ZNF561: variants seen among roughly 807,000 people sequenced by gnomAD.
The protein encoded by ZNF561 is zinc finger protein 561.
ZNF561 carries 16 observed loss-of-function variants against 16.7 expected under a neutral mutation model. The ratio of observed to expected loss-of-function variants is 0.96; its 90% CI spans 0.65 to 1.45. The LOEUF (loss-of-function observed/expected upper bound fraction) is 1.45, where lower values mean the gene tolerates loss of function less well. Ranked by LOEUF, ZNF561 falls within the 40% of genes most tolerant of loss-of-function variation. ZNF561 has a pLI of 0.00. For missense variants in ZNF561, 580 were observed against 578.0 expected, an observed-to-expected ratio of 1.00 and a Z score of -0.04; for synonymous variants, 190 against 192.1, an observed-to-expected ratio of 0.99 and a Z score of 0.09.
At position 9,607,962 on chromosome 19, in the gene ZNF561, C is replaced by T. The variant is rs2074379498; in HGVS notation, c.*2238G>A. ...TCTCGGCTCACTGCAACCTGTGCCTCCCAGGTTCATGCCATTCTCCTGCCT... is the reference window on the plus strand; with the variant it reads ...TCTCGGCTCACTGCAACCTGTGCCTTCCAGGTTCATGCCATTCTCCTGCCT... On this transcript the variant is annotated 3_prime_UTR_variant, in exon 6 of 6. Transcript: ENST00000302851. 6.6e-6 allele frequency: 1 copy of T among 152,216 alleles called. No homozygotes were observed. Among genetic ancestry groups the T allele is most frequent in the African/African-American group, 2.4e-5 (1 of 41,436 alleles). 9.4% of individuals were successfully genotyped at this position (152,216 alleles called of 1,614,324 possible).
At chr19:9,619,261 A>T (rs959284760) in intron 2 of ZNF561, 171 bp downstream of exon 2, 2 of 344,684 alleles carry the variant, frequency 5.8e-6, no homozygotes, top group East Asian at 5.3e-5. Context: ...TGTCTCAAAA[A>T]TAAATAAATA....
intron 3 of ZNF561, chr19:9,617,834 C>T: frequency 7.5e-6 from 4 of 536,134 alleles, no homozygotes; most frequent in Non-Finnish European, 1.4e-5. Context: ...CCGCACCCAG[C>T]AATGTAAGAA....
chr19:9,616,852 C>G, intron 4 of ZNF561, 193 bp downstream of exon 4: 2 of 608,824 alleles, frequency 3.3e-6, no homozygotes, highest in Non-Finnish European at 5.2e-6. Context: ...CCTCAGCCTC[C>G]CAAAGTGCTG....
intron 5 of ZNF561, among the ~76,000 whole-genome samples, chr19:9,613,684 A>G (rs1261993694): frequency 1.3e-5 from 2 of 151,936 alleles, no homozygotes; most frequent in Non-Finnish European, 2.9e-5. Context: ...CACTCGGCTA[A>G]TTTTGTATTC....
Position 9,619,435 on chromosome 19 carries a change from G to A in ZNF561, c.22C>T (p.Arg8Cys), listed in dbSNP as rs748760906. Reference sequence around the variant, plus strand: ...AAGAGCATCAACAAAGACTTACCACGGGACAAATAAATGGCTGCCATTCTC... The same window carrying A: ...AAGAGCATCAACAAAGACTTACCACAGGACAAATAAATGGCTGCCATTCTC... MAAIYLS[R>C]GFFSREPICP... The change falls in exon 2 of 6, where the codon CGT (arginine) becomes TGT (cysteine). Residue 8 changes from arginine to cysteine, a missense_variant. Coordinates refer to ENST00000302851, the MANE Select transcript of ZNF561 (RefSeq NM_152289.3). The A allele has an allele frequency of 4.0e-5, 64 of 1,613,084 alleles. No individual in the cohort carries two copies. The highest frequency in any genetic ancestry group is 4.8e-5 in the Non-Finnish European group (57 of 1,179,506).
intron 1 of ZNF561, 129 bp downstream of exon 1, chr19:9,621,033 G>C (rs2074664757): frequency 6.6e-6 from 1 of 152,432 alleles, no homozygotes; most frequent in South Asian, 2.0e-4. Flanking sequence ...TGGACGCACA[G>C]GGAGGACTGA....
Position 9,614,081 on chromosome 19 carries a change from G to C in ZNF561, c.264C>G (p.Thr88=). The C allele has an allele frequency of 6.2e-7, 1 of 1,614,066 alleles. No individual in the cohort carries two copies. Among genetic ancestry groups the C allele is most frequent in the South Asian group, 1.1e-5 (1 of 91,082 alleles). The change falls in exon 5 of 6, where the codon ACC becomes ACG. Residue 88 remains threonine (T), a synonymous_variant. Coordinates refer to ENST00000302851, the MANE Select transcript of ZNF561 (RefSeq NM_152289.3). The part of the protein sequence containing the change: ...ASVEWEIQPR[T]KRSSLQQGFL... ...AACCCTGCTGAAGTGATGACCGTTT[G>C]GTTCTAGGTTGTATTTCCCATTCTA... is the stretch of plus-strand genomic sequence containing the variant.
At chr19:9,619,370 C>T in intron 2 of ZNF561, 62 bp downstream of exon 2, 1 of 1,583,686 alleles carries the variant, frequency 6.3e-7, no homozygotes, top group South Asian at 1.1e-5. Context: ...TCACTGGACG[C>T]TTGTGTTGTG....
chr19:9,618,555 T>A (rs1416705880), intron 2 of ZNF561, among the ~76,000 whole-genome samples: 1 of 151,694 alleles, frequency 6.6e-6, no homozygotes, highest in African/African-American at 2.4e-5. Context: ...TGAAACCCCA[T>A]CTCTACTAAA....
At chr19:9,611,429 G>T (rs1225741388) in intron 5 of ZNF561, 93 bp from the exon 6 acceptor site, 4 of 1,309,488 alleles carry the variant, frequency 3.1e-6, no homozygotes, top group Non-Finnish European at 1.0e-6. Flanking sequence ...TGACAATTAT[G>T]ATTTTACTTT....
intron 1 of ZNF561, among the ~76,000 whole-genome samples, chr19:9,620,192 C>G (rs893624208): frequency 1.3e-5 from 2 of 152,112 alleles, no homozygotes; most frequent in Admixed American, 1.3e-4. Context: ...CAGGTGCAAG[C>G]GATTATCAGG....
Position 9,614,101 on chromosome 19 carries a change from A to C in ZNF561, c.244T>G (p.Trp82Gly). The change falls in exon 5 of 6, where the codon TGG becomes GGG. Residue 82 changes from tryptophan to glycine, a missense_variant and splice_region_variant. Physicochemically the swap from Trp to Gly is radical, Grantham distance 184. Coordinates refer to ENST00000302851, the MANE Select transcript of ZNF561 (RefSeq NM_152289.3). Reference protein sequence around the residue: ...ENYMNLASVEWEIQPRTKRSS... With the variant: ...ENYMNLASVEGEIQPRTKRSS... Reference sequence around the variant, plus strand: ...CGTTTGGTTCTAGGTTGTATTTCCCATTCTAAAGTTAAGCAGAAAAAGAAA... The same window carrying C: ...CGTTTGGTTCTAGGTTGTATTTCCCCTTCTAAAGTTAAGCAGAAAAAGAAA... The C allele has an allele frequency of 6.2e-7, 1 of 1,613,966 alleles. No individual in the cohort carries two copies. The highest frequency in any genetic ancestry group is 1.1e-5 in the South Asian group (1 of 91,030).
rs1209575127 is a variant in ZNF561, at chr19:9,607,540, T to G, written c.*2660A>C. On this transcript the variant is annotated 3_prime_UTR_variant, in exon 6 of 6. Coordinates refer to ENST00000302851, the MANE Select transcript of ZNF561 (RefSeq NM_152289.3). The stretch of plus-strand genomic sequence containing the variant: ...AAAAGAAACCTTTCCTGTAAGAGAT[T>G]AGCCTCTTCAAAAAATAAAATAAAA... The G allele has an allele frequency of 6.6e-6, 1 of 152,144 alleles. No homozygotes were observed. Among genetic ancestry groups the G allele is most frequent in the Admixed American group, 6.5e-5 (1 of 15,268 alleles). 9.4% of individuals were successfully genotyped at this position (152,144 alleles called of 1,614,324 possible).
chr19:9,611,747 T>C (rs1329029225), intron 5 of ZNF561, among the ~76,000 whole-genome samples: 4 of 151,418 alleles, frequency 2.6e-5, no homozygotes, highest in African/African-American at 7.3e-5. Context: ...ACCCAGTATG[T>C]TTCACTTTTT....
At position 9,608,261 on chromosome 19, in the gene ZNF561, GGGAGAGAGAGAGAAAGA is replaced by G. The variant is rs1328802244; in HGVS notation, c.*1922_*1938del. 4 of 151,896 alleles carry G rather than the reference GGGAGAGAGAGAGAAAGA, an allele frequency of 2.6e-5. No homozygotes were observed. Among genetic ancestry groups the G allele is most frequent in the African/African-American group, 9.7e-5 (4 of 41,350 alleles). The allele number at this position is 151,896 out of a possible 1,614,324, so 9.4% of individuals were successfully genotyped here. A position where few individuals can be genotyped will look rare whatever the true frequency, so the allele number is the denominator to read the frequency against. On this transcript the variant is annotated 3_prime_UTR_variant, in exon 6 of 6. Coordinates refer to ENST00000302851, the MANE Select transcript of ZNF561 (RefSeq NM_152289.3). ...AGGGAGGGGAAGGAGAGAGATGGTGGGGAGAGAGAGAGAAAGAGGAGAGAGGAGAGAGGAGAAAGGAG... is the reference window on the plus strand; with the variant it reads ...AGGGAGGGGAAGGAGAGAGATGGTGGGGAGAGAGGAGAGAGGAGAAAGGAG...
At chr19:9,615,523 G>A (rs185114383) in intron 4 of ZNF561, among the ~76,000 whole-genome samples, 1 of 152,128 alleles carries the variant, frequency 6.6e-6, no homozygotes, top group African/African-American at 2.4e-5. Context: ...CCTGAACCTG[G>A]GAGGGCAGAG....
Position 9,619,517 on chromosome 19 carries a change from C to T in ZNF561, c.-61G>A. 6.3e-7 allele frequency: 1 copy of T among 1,591,040 alleles called. No homozygotes were observed. The highest frequency in any genetic ancestry group is 8.6e-7 in the Non-Finnish European group (1 of 1,161,336). On this transcript the variant is annotated 5_prime_UTR_variant, in exon 2 of 6. Coordinates refer to ENST00000302851, the MANE Select transcript of ZNF561 (RefSeq NM_152289.3). Reference sequence around the variant, plus strand: ...TCCTTGATGCCAAGATCACCTCAGGCCAGCTTATGAATCTAGGTGGATAGA... The same window carrying T: ...TCCTTGATGCCAAGATCACCTCAGGTCAGCTTATGAATCTAGGTGGATAGA...
rs2074620202 is a variant in ZNF561, at chr19:9,619,501, C to A, written c.-45G>T. The stretch of plus-strand genomic sequence containing the variant: ...GATGATGTGCATCCCTTCCTTGATG[C>A]CAAGATCACCTCAGGCCAGCTTATG... On this transcript the variant is annotated 5_prime_UTR_variant, in exon 2 of 6. Transcript: ENST00000302851. 1 of 1,608,746 alleles carries A rather than the reference C, an allele frequency of 6.2e-7. No individual in the cohort carries two copies. The highest frequency in any genetic ancestry group is 1.1e-5 in the South Asian group (1 of 90,810).
At position 9,607,635 on chromosome 19, in the gene ZNF561, T is replaced by C. The variant is rs146172354; in HGVS notation, c.*2565A>G. ...CTGCAGACAATTATGCTGGTATTACTGCTATTCATTGGTGGTGTGCTGGAG... is the reference window on the plus strand; with the variant it reads ...CTGCAGACAATTATGCTGGTATTACCGCTATTCATTGGTGGTGTGCTGGAG... On this transcript the variant is annotated 3_prime_UTR_variant, in exon 6 of 6. Coordinates refer to ENST00000302851, the MANE Select transcript of ZNF561 (RefSeq NM_152289.3). 1 of 152,210 alleles carries C rather than the reference T, an allele frequency of 6.6e-6. No homozygotes were observed. Among genetic ancestry groups the C allele is most frequent in the Non-Finnish European group, 1.5e-5 (1 of 68,044 alleles). 9.4% of individuals were successfully genotyped at this position (152,210 alleles called of 1,614,324 possible).
Sources: gnomAD v4.1 joint callset for allele counts (sites outside exome capture counted in the v4.1 genomes callset) on GRCh38, gnomAD v4.1.1 for gene constraint, MANE v1.5 for transcripts, NCBI Gene and HGNC (gene_info 2026-07-23, HGNC 2026-07-21) for gene names.